Variants in GSE1 observed in about 807,000 individuals in gnomAD.
GSE1 encodes the protein Gse1 coiled-coil protein.
GSE1 carries 32 observed loss-of-function variants against 112.6 expected under a neutral mutation model. That is an observed-to-expected ratio of 0.28 (90% CI 0.21 to 0.38). The LOEUF is 0.38. Ranked by LOEUF, GSE1 falls within the 10% of genes least tolerant of loss-of-function variation. GSE1 has a pLI of 1.00. For missense variants in GSE1, 2,348 were observed against 1,699.2 expected, an observed-to-expected ratio of 1.38 and a Z score of -6.71; for synonymous variants, 1,115 against 735.6, an observed-to-expected ratio of 1.52 and a Z score of -8.35.
At chr16:85,460,387 C>T (rs549059558) in intron 2 of GSE1, among the ~76,000 whole-genome samples, 6 of 152,318 alleles carry the variant, frequency 3.9e-5, no homozygotes, top group Non-Finnish European at 7.3e-5. Flanking sequence ...ATTGTCCCGT[C>T]GAGCAGGGGT....
At chr16:85,497,696 A>G (rs1345225415) in intron 2 of GSE1, among the ~76,000 whole-genome samples, 4 of 152,282 alleles carry the variant, frequency 2.6e-5, no homozygotes, top group Admixed American at 2.0e-4. Context: ...TGTCCTATGC[A>G]TGGTCCTGGG....
chr16:85,246,451 A>ACGCTG (rs1323183442), intron 1 of GSE1, among the ~76,000 whole-genome samples: 29 of 79,840 alleles, frequency 3.6e-4, no homozygotes, highest in African/African-American at 7.2e-4. Flanking sequence ...ACACACACAC[A>ACGCTG]CACACACACC....
Position 85,665,999 on chromosome 16 carries a change from C to G in GSE1, c.2782C>G (p.Leu928Val), listed in dbSNP as rs761246164. 1.2e-6 allele frequency: 2 copies of G among 1,613,492 alleles called. No individual in the cohort carries two copies. The change falls in exon 13 of 16, where the codon CTG becomes GTG. Residue 928 changes from leucine (L) to valine (V), a missense_variant. Coordinates refer to ENST00000253458, the MANE Select transcript of GSE1 (RefSeq NM_014615.5). ...AGAACCAGCCACGCAGCAAGCCTCT[C>G]TGGATGTGGAGAAGCCGGTTGGTGT... ...LSEPATQQAS[L>V]DVEKPVGVAA...
chr16:85,397,125 C>T (rs1374096139), intron 2 of GSE1, among the ~76,000 whole-genome samples: 1 of 152,234 alleles, frequency 6.6e-6, no homozygotes, highest in Non-Finnish European at 1.5e-5. Flanking sequence ...CCCTGTCCCC[C>T]ATCTCCTCTG....
At chr16:85,354,869 G>C (rs2046919849) in intron 1 of GSE1, among the ~76,000 whole-genome samples, 1 of 152,388 alleles carries the variant, frequency 6.6e-6, no homozygotes, top group East Asian at 1.9e-4. Context: ...CAAGGCTGCA[G>C]GAGTAGCTCA....
chr16:85,652,093 G>T (rs896905735), intron 3 of GSE1, among the ~76,000 whole-genome samples: 1 of 152,220 alleles, frequency 6.6e-6, no homozygotes, highest in Non-Finnish European at 1.5e-5. Context: ...CCATGTCCGG[G>T]CCCCCACCCT....
chr16:85,502,831 G>T (rs985531655), intron 2 of GSE1, among the ~76,000 whole-genome samples: 1 of 152,240 alleles, frequency 6.6e-6, no homozygotes, highest in African/African-American at 2.4e-5. Context: ...ACCTGGACTG[G>T]AGAGCAGCAG....
rs543090546 is a variant in GSE1, at chr16:85,395,702, C to T, written c.2464+38059C>T. ...GAACAAATGCTCCCTCCCTCTGTCACGTCCGCCCTCCCCTGCCCACGCTCT... is the reference window on the plus strand; with the variant it reads ...GAACAAATGCTCCCTCCCTCTGTCATGTCCGCCCTCCCCTGCCCACGCTCT... On this transcript the variant is annotated intron_variant, in intron 2 of 2. Coordinates refer to the GSE1 transcript ENST00000637419. 9.8e-5 allele frequency among the ~76,000 whole-genome samples: 15 copies of T among 152,340 alleles called. No individual in the cohort carries two copies. The East Asian group carries it at 1.9e-3, about 20-fold the overall frequency.
At chr16:85,292,011 C>A (rs531500721) in intron 1 of GSE1, among the ~76,000 whole-genome samples, 1 of 152,204 alleles carries the variant, frequency 6.6e-6, no homozygotes, top group African/African-American at 2.4e-5. Context: ...GGAAATCCAC[C>A]CTCAGCATGG....
At chr16:85,188,383 C>CTTT in intron 1 of GSE1, among the ~76,000 whole-genome samples, 1 of 152,184 alleles carries the variant, frequency 6.6e-6, no homozygotes, top group African/African-American at 2.4e-5. Context: ...ATTACTTTTG[C>CTTT]TATTTATTAT....
chr16:85,521,440 C>T (rs896267234), intron 2 of GSE1, among the ~76,000 whole-genome samples: 1 of 152,292 alleles, frequency 6.6e-6, no homozygotes, highest in African/African-American at 2.4e-5. Context: ...CACTCACTCT[C>T]CTCCTGCCTG....
At chr16:85,579,198 G>A (rs1269211382) in intron 1 of GSE1, among the ~76,000 whole-genome samples, 5 of 152,172 alleles carry the variant, frequency 3.3e-5, no homozygotes, top group East Asian at 1.9e-4. Context: ...AACGCTGGTC[G>A]GGGTGGAGGG....
intron 1 of GSE1, among the ~76,000 whole-genome samples, chr16:85,289,746 C>T (rs1014615750): frequency 8.5e-5 from 13 of 152,222 alleles, no homozygotes; most frequent in Admixed American, 8.5e-4. Context: ...GGTCCTGGGG[C>T]AGTCGCCCGA....
chr16:85,513,881 G>A (rs1485269108), intron 2 of GSE1, among the ~76,000 whole-genome samples: 8 of 152,052 alleles, frequency 5.3e-5, no homozygotes, highest in Non-Finnish European at 1.0e-4. Context: ...GCAGAAATCG[G>A]GACCCCACCG....
chr16:85,588,252 A>G (rs2046800156), intron 1 of GSE1, among the ~76,000 whole-genome samples: 1 of 152,334 alleles, frequency 6.6e-6, no homozygotes, highest in African/African-American at 2.4e-5. Context: ...AGAACGCTGC[A>G]TTCCCTACAT....
chr16:85,593,915 G>C (rs997907185), intron 1 of GSE1: 1 of 152,154 alleles, frequency 6.6e-6, no homozygotes, highest in Admixed American at 6.5e-5. Context: ...TTCTGGGGGG[G>C]CCGGAGGGGG....
rs577294870 is a variant in GSE1, at chr16:85,198,502, G to T, written c.2283+26695G>T. Reference sequence around the variant, plus strand: ...GGGGGAGACAGGCCATAAAGCAGTGGATGAGCAGAGCCAGGGTGCATCCAG... The same window carrying T: ...GGGGGAGACAGGCCATAAAGCAGTGTATGAGCAGAGCCAGGGTGCATCCAG... On this transcript the variant is annotated intron_variant, in intron 1 of 2. Coordinates refer to the GSE1 transcript ENST00000637419. 3.3e-5 allele frequency among the ~76,000 whole-genome samples: 5 copies of T among 152,182 alleles called. No homozygotes were observed. The East Asian group carries it at 9.7e-4, about 29-fold the overall frequency.
intron 2 of GSE1, among the ~76,000 whole-genome samples, chr16:85,496,486 C>A (rs542813467): frequency 6.6e-6 from 1 of 152,310 alleles, no homozygotes; most frequent in Non-Finnish European, 1.5e-5. Context: ...GCTGGCGAGG[C>A]GGGCAGCCCG....
chr16:85,408,756 G>A (rs2048392966), intron 2 of GSE1, among the ~76,000 whole-genome samples: 1 of 61,026 alleles, frequency 1.6e-5, no homozygotes, highest in African/African-American at 8.2e-5. Context: ...GGCCCCCCTG[G>A]ATAATCCTCA....
Sources: gnomAD v4.1 joint callset for allele counts (sites outside exome capture counted in the v4.1 genomes callset) on GRCh38, gnomAD v4.1.1 for gene constraint, MANE v1.5 for transcripts, NCBI Gene and HGNC (gene_info 2026-07-23, HGNC 2026-07-21) for gene names.